NUDT11: variants seen among roughly 807,000 people sequenced by gnomAD.
NUDT11 encodes diphosphoinositol polyphosphate phosphohydrolase 3-beta.
A neutral mutation model predicts 10.0 loss-of-function variants in NUDT11; 1 was observed. The ratio of observed to expected loss-of-function variants is 0.10; its 90% CI spans 0.04 to 0.47. The LOEUF (loss-of-function observed/expected upper bound fraction) is 0.47. NUDT11 is among the 20% of genes least tolerant of loss of function. The probability of loss-of-function intolerance (pLI) is 0.96; values close to 1 mark genes in which losing one functional copy is unlikely to be tolerated. For synonymous variants in NUDT11, 63 were observed against 65.9 expected (o/e 0.96, Z 0.21); for missense variants, 47 against 140.4 (o/e 0.33, Z 3.36).
intron 1 of NUDT11, among the ~76,000 whole-genome samples, chrX:51,494,742 T>C (rs1925664756): frequency 8.9e-6 from 1 of 111,804 alleles, no homozygotes; most frequent in African/African-American, 3.3e-5. Flanking sequence ...TTGATGTAGA[T>C]GCTGGTCACC....
In NUDT11 at chrX:51,491,472, C is replaced by G. The variant is rs1292084164; in HGVS notation, c.*277G>C. The G allele has an allele frequency of 9.6e-5, 28 of 290,784 alleles. No individual in the cohort carries two copies. Among genetic ancestry groups the G allele is most frequent in the Non-Finnish European group, 1.6e-4 (27 of 166,672 alleles). The allele number at this position is 290,784 out of a possible 1,213,427, so 24.0% of individuals were successfully genotyped here. On this transcript the variant is annotated 3_prime_UTR_variant, in exon 2 of 2. Coordinates refer to ENST00000375992, the MANE Select transcript of NUDT11 (RefSeq NM_018159.4). Reference sequence around the variant, plus strand: ...AGTAAGGAAAAATAGTCTTTGCTCTCAAAGACATCATAGTCTAATGAAGGC... The same window carrying G: ...AGTAAGGAAAAATAGTCTTTGCTCTGAAAGACATCATAGTCTAATGAAGGC...
rs1372345481 is a variant in NUDT11, at chrX:51,490,264, A to G, written c.*1485T>C. 1.8e-5 allele frequency: 2 copies of G among 111,724 alleles called. No homozygotes were observed. Among genetic ancestry groups the G allele is most frequent in the African/African-American group, 6.5e-5 (2 of 30,754 alleles). The allele number at this position is 111,724 out of a possible 1,213,427, so 9.2% of individuals were successfully genotyped here. Reference sequence around the variant, plus strand: ...TCATTTTTTAAAACAACATAACCACAGTACCATATCACATCTTAAAAAACA... The same window carrying G: ...TCATTTTTTAAAACAACATAACCACGGTACCATATCACATCTTAAAAAACA... On this transcript the variant is annotated 3_prime_UTR_variant, in exon 2 of 2. Transcript: ENST00000375992.
Position 51,496,295 on chromosome X carries a change from C to A in NUDT11, c.150G>T (p.Gly50=). ...CCGGCTCCTCCTCGGGCTCCATGCC[C>A]CCGCCCGGCACGATCCAGCGGTCCG... ...RYPDRWIVPG[G]GMEPEEEPGG... The change falls in exon 1 of 2, where the codon GGG becomes GGT. Residue 50 remains glycine (G), a synonymous_variant. Transcript: ENST00000375992. The A allele has an allele frequency of 8.3e-7, 1 of 1,208,583 alleles. No individual in the cohort carries two copies. Among genetic ancestry groups the A allele is most frequent in the East Asian group, 3.0e-5 (1 of 33,702 alleles).
intron 1 of NUDT11, 134 bp from the exon 2 acceptor site, chrX:51,491,883 C>T: frequency 1.9e-6 from 1 of 517,293 alleles, no homozygotes; most frequent in Middle Eastern, 3.3e-4. Flanking sequence ...TTATCTAATG[C>T]AGATGCAATC....
chrX:51,492,602 T>C lies in NUDT11; in HGVS notation c.*-853A>G, dbSNP rs541883479. 2.6e-3 allele frequency among the ~76,000 whole-genome samples: 291 copies of C among 111,691 alleles called. 1 individual carries two copies. Among genetic ancestry groups the C allele is most frequent in the Non-Finnish European group, 4.9e-3 (258 of 53,162 alleles). On this transcript the variant is annotated intron_variant, in intron 1 of 1. Coordinates refer to ENST00000375992, the MANE Select transcript of NUDT11 (RefSeq NM_018159.4). The stretch of plus-strand genomic sequence containing the variant: ...ATTGGCCAGGCTGGTCTCCAACTCC[T>C]GACCTCAAGTGATCTGCCCACCTCG...
At chrX:51,492,188 G>A (rs1341135322) in intron 1 of NUDT11, among the ~76,000 whole-genome samples, 4 of 111,531 alleles carry the variant, frequency 3.6e-5, no homozygotes, top group South Asian at 7.7e-4. Flanking sequence ...GTCAGGAAAG[G>A]CTTCTCATTG....
At position 51,496,262 on chromosome X, in the gene NUDT11, C is replaced by A. The variant is rs1360620153; in HGVS notation, c.183G>T (p.Ala61=). 3 of 1,210,621 alleles carry A rather than the reference C, an allele frequency of 2.5e-6. No individual in the cohort carries two copies. The highest frequency in any genetic ancestry group is 2.2e-6 in the Non-Finnish European group (2 of 894,909). ...CTTCTTCGTACACCTCTCGGACCGC[C>A]GCACCGCCCGGCTCCTCCTCGGGCT... The part of the protein sequence containing the change: ...GMEPEEEPGG[A]AVREVYEEAG... The change falls in exon 1 of 2, where the codon GCG becomes GCT. Residue 61 remains alanine, a synonymous_variant. Coordinates refer to ENST00000375992, the MANE Select transcript of NUDT11 (RefSeq NM_018159.4).
chrX:51,492,262 G>A lies in NUDT11; in HGVS notation c.*-513C>T, dbSNP rs782455729. 7.2e-5 allele frequency among the ~76,000 whole-genome samples: 8 copies of A among 111,339 alleles called. No individual in the cohort carries two copies. The South Asian group carries it at 1.9e-3, about 26-fold the overall frequency. ...AACAGATTTTTTTTTTAAACTGAGC[G>A]TCAGATAGTTAGATAACTTGGCTTA... is the stretch of plus-strand genomic sequence containing the variant. On this transcript the variant is annotated intron_variant, in intron 1 of 1. Transcript: ENST00000375992.
Position 51,495,975 on chromosome X carries a change from G to A in NUDT11, c.470C>T (p.Pro157Leu). 9 of 1,207,811 alleles carry A rather than the reference G, an allele frequency of 7.5e-6. No individual in the cohort carries two copies. Among genetic ancestry groups the A allele is most frequent in the Non-Finnish European group, 1.0e-5 (9 of 892,668 alleles). The change falls in exon 1 of 2, where the codon CCA becomes CTA. Residue 157 changes from proline (P) to leucine (L), a missense_variant. Pro to Leu is a moderately conservative substitution (Grantham distance 98). Coordinates refer to ENST00000375992, the MANE Select transcript of NUDT11 (RefSeq NM_018159.4). ...CTAGGGATCGCTATCTGGCGAGGAT[G>A]GGGCCATGGAGTTTCCATTGGTTGG... ...GSPTNGNSMA[P>L]SSPDSDP
chrX:51,495,895 C>A, intron 1 of NUDT11, 56 bp downstream of exon 1: 1 of 1,188,394 alleles, frequency 8.4e-7, no homozygotes. Context: ...CCAGGCGGGA[C>A]GCATTTTAAG....
intron 1 of NUDT11, among the ~76,000 whole-genome samples, chrX:51,494,264 C>T (rs1338132517): frequency 8.9e-6 from 1 of 111,745 alleles, no homozygotes; most frequent in African/African-American, 3.2e-5. Context: ...ACATGTATCA[C>T]TTTGTTAAGA....
Position 51,491,594 on chromosome X carries a change from T to A in NUDT11, c.*155A>T. Reference sequence around the variant, plus strand: ...ACAACCAGAGCAAGAGTCAGTGGTATAGACAGGGAAGGAGTGTCCCAAGAT... The same window carrying A: ...ACAACCAGAGCAAGAGTCAGTGGTAAAGACAGGGAAGGAGTGTCCCAAGAT... On this transcript the variant is annotated 3_prime_UTR_variant, in exon 2 of 2. Transcript: ENST00000375992. 1 of 493,866 alleles carries A rather than the reference T, an allele frequency of 2.0e-6. No individual in the cohort carries two copies. Among genetic ancestry groups the A allele is most frequent in the Non-Finnish European group, 3.7e-6 (1 of 273,151 alleles). The allele number at this position is 493,866 out of a possible 1,213,427, so 40.7% of individuals were successfully genotyped here. A position where few individuals can be genotyped will look rare whatever the true frequency, so the allele number is the denominator to read the frequency against.
At chrX:51,494,265 TTTG>T (rs1297407433) in intron 1 of NUDT11, among the ~76,000 whole-genome samples, 4 of 112,213 alleles carry the variant, frequency 3.6e-5, no homozygotes, top group African/African-American at 6.5e-5. Flanking sequence ...CATGTATCAC[TTTG>T]TTAAGAGAAA....
intron 1 of NUDT11, among the ~76,000 whole-genome samples, chrX:51,494,865 A>C (rs1181001607): frequency 8.9e-6 from 1 of 112,109 alleles, no homozygotes; most frequent in Non-Finnish European, 1.9e-5. Flanking sequence ...ACATCACTAG[A>C]GCTAACTCAG....
intron 1 of NUDT11, among the ~76,000 whole-genome samples, chrX:51,492,530 TA>T (rs1925618347): frequency 1.8e-5 from 2 of 111,072 alleles, no homozygotes; most frequent in African/African-American, 6.6e-5. Context: ...CTGATTTTTG[TA>T]GTTTTACTTC....
At position 51,490,055 on chromosome X, in the gene NUDT11, AAGTAT is replaced by A. The variant is rs1925559461; in HGVS notation, c.*1689_*1693del. 9.0e-6 allele frequency: 1 copy of A among 111,636 alleles called. No individual in the cohort carries two copies. The highest frequency in any genetic ancestry group is 9.6e-5 in the Admixed American group (1 of 10,458). 9.2% of individuals were successfully genotyped at this position (111,636 alleles called of 1,213,427 possible). ...TATGGAAAATTTCAAACATATACAA[AAGTAT>A]AGAGAATAGTATAATGAACTCTCAA... On this transcript the variant is annotated 3_prime_UTR_variant, in exon 2 of 2. Coordinates refer to ENST00000375992, the MANE Select transcript of NUDT11 (RefSeq NM_018159.4).
Position 51,496,107 on chromosome X carries a change from A to G in NUDT11, c.338T>C (p.Ile113Thr). The part of the protein sequence containing the change: ...LLEDWEDSVS[I>T]GRKREWFKVE... ...TTTGAACCACTCTCGCTTCCTCCCA[A>G]TGCTAACCGAATCTTCCCAATCCTC... The change falls in exon 1 of 2, where the codon ATT (isoleucine) becomes ACT (threonine). Residue 113 changes from isoleucine (I) to threonine (T), a missense_variant. By Grantham distance (89) the Ile-to-Thr change is moderately conservative. Transcript: ENST00000375992. 8.3e-7 allele frequency: 1 copy of G among 1,211,111 alleles called. No individual in the cohort carries two copies. Among genetic ancestry groups the G allele is most frequent in the Non-Finnish European group, 1.1e-6 (1 of 895,066 alleles).
At position 51,495,996 on chromosome X, in the gene NUDT11, G is replaced by C. The variant is rs1315583762; in HGVS notation, c.449C>G (p.Thr150Ser). 4.1e-6 allele frequency: 5 copies of C among 1,205,866 alleles called. No individual in the cohort carries two copies. In the East Asian group the frequency reaches 1.5e-4, roughly 36 times the overall value. Residue 150 changes from threonine (T) to serine (S), a missense_variant, in exon 1 of 2, where the codon ACC (threonine) becomes AGC (serine). Physicochemically the swap from Thr to Ser is moderately conservative, Grantham distance 58 (BLOSUM62 1). Transcript: ENST00000375992. ...GGATGGGGCCATGGAGTTTCCATTG[G>C]TTGGGGAACCGCCCAGCTTTAGTTT... Reference protein sequence around the residue: ...LEKLKLGGSPTNGNSMAPSSP... With the variant: ...LEKLKLGGSPSNGNSMAPSSP...
chrX:51,491,748 A>G lies in NUDT11; in HGVS notation c.*1T>C. 5.3e-6 allele frequency: 3 copies of G among 571,211 alleles called. No individual in the cohort carries two copies. Among genetic ancestry groups the G allele is most frequent in the Non-Finnish European group, 9.7e-6 (3 of 309,560 alleles). The allele number at this position is 571,211 out of a possible 1,213,427, so 47.1% of individuals were successfully genotyped here. On this transcript the variant is annotated splice_region_variant and 3_prime_UTR_variant, in exon 2 of 2. Coordinates refer to ENST00000375992, the MANE Select transcript of NUDT11 (RefSeq NM_018159.4). ...ACAATACTGAACATCTTTGCTGTTCATCTGGAAAAACAAACCAACACACAA... is the reference window on the plus strand; with the variant it reads ...ACAATACTGAACATCTTTGCTGTTCGTCTGGAAAAACAAACCAACACACAA...
Sources: allele counts gnomAD v4.1 joint callset (sites outside exome capture counted in the v4.1 genomes callset), GRCh38; gene constraint gnomAD v4.1.1; transcripts MANE v1.5; gene names NCBI Gene and HGNC (gene_info 2026-07-23, HGNC 2026-07-21).